CLNK: variants seen among roughly 807,000 people sequenced by gnomAD.
The protein encoded by CLNK is cytokine-dependent hematopoietic cell linker.
A neutral mutation model predicts 68.6 loss-of-function variants in CLNK; 74 were observed. That is an observed-to-expected ratio of 1.08 (90% CI 0.89 to 1.31). The LOEUF is 1.31. CLNK is among the 50% of genes most tolerant of loss of function. The probability of loss-of-function intolerance (pLI) is 0.00; values close to 1 mark genes in which losing one functional copy is unlikely to be tolerated. For missense variants in CLNK, 553 were observed against 515.3 expected (o/e 1.07, Z -0.71); for synonymous variants, 198 against 172.2 (o/e 1.15, Z -1.17).
chr4:10,619,382 C>T (rs1482131337), intron 2 of CLNK, among the ~76,000 whole-genome samples: 1 of 152,150 alleles, frequency 6.6e-6, no homozygotes, highest in African/African-American at 2.4e-5. Context: ...CATGAATATA[C>T]ATCAATGGGA....
chr4:10,722,779 G>A, the CLNK span, among the ~76,000 whole-genome samples: 1 of 152,218 alleles, frequency 6.6e-6, no homozygotes, highest in Non-Finnish European at 1.5e-5. Context: ...GCAGGGCGTG[G>A]TGGCTCACGC....
chr4:10,621,642 A>G (rs1577174753), intron 2 of CLNK, among the ~76,000 whole-genome samples: 3 of 152,296 alleles, frequency 2.0e-5, no homozygotes, highest in East Asian at 1.9e-4. Flanking sequence ...TATTGTTGTT[A>G]TTTATTATTC....
intron 8 of CLNK, among the ~76,000 whole-genome samples, chr4:10,553,062 T>C (rs746109993): frequency 4.2e-4 from 63 of 151,372 alleles, no homozygotes; most frequent in Non-Finnish European, 7.8e-4. Flanking sequence ...GGGGGGGGCA[T>C]GCAGGGGCGG....
intron 18 of CLNK, among the ~76,000 whole-genome samples, chr4:10,499,473 A>G (rs549944119): frequency 2.0e-5 from 3 of 152,180 alleles, no homozygotes; most frequent in Non-Finnish European, 2.9e-5. Context: ...CCGAGTCTCA[A>G]AAAAGTGCTC....
At chr4:10,717,172 C>A in the CLNK span, among the ~76,000 whole-genome samples, 6 of 152,160 alleles carry the variant, frequency 3.9e-5, no homozygotes, top group African/African-American at 1.4e-4. Flanking sequence ...TTCCTCCTTG[C>A]CAGGCAATAA....
chr4:10,560,375 G>T (rs1719839792), intron 7 of CLNK, among the ~76,000 whole-genome samples: 1 of 152,190 alleles, frequency 6.6e-6, no homozygotes, highest in African/African-American at 2.4e-5. Flanking sequence ...GTCTAGACAA[G>T]AACTGGCCTT....
chr4:10,498,633 A>G (rs1326840787), intron 18 of CLNK, among the ~76,000 whole-genome samples: 1 of 152,232 alleles, frequency 6.6e-6, no homozygotes, highest in Non-Finnish European at 1.5e-5. Flanking sequence ...GGGCTACTAT[A>G]TCCTACTTAT....
At chr4:10,667,804 C>A in intron 2 of CLNK, 55 bp downstream of exon 2, 1 of 1,525,710 alleles carries the variant, frequency 6.6e-7, no homozygotes, top group Non-Finnish European at 8.9e-7. Flanking sequence ...GAAAACACCT[C>A]CTGTCCCCAC....
At chr4:10,667,764 C>T in intron 2 of CLNK, 95 bp downstream of exon 2, 1 of 1,232,386 alleles carries the variant, frequency 8.1e-7, no homozygotes, top group Non-Finnish European at 1.1e-6. Context: ...TGGGCGGCCA[C>T]ATTGGCATCA....
chr4:10,641,021 A>G (rs963351670), intron 2 of CLNK, among the ~76,000 whole-genome samples: 1 of 152,200 alleles, frequency 6.6e-6, no homozygotes, highest in African/African-American at 2.4e-5. Context: ...GCTATTTTTC[A>G]TGTAAAAAAA....
chr4:10,651,251 A>G (rs2108882302), intron 2 of CLNK, among the ~76,000 whole-genome samples: 1 of 152,362 alleles, frequency 6.6e-6, no homozygotes, highest in Non-Finnish European at 1.5e-5. Context: ...ATGCACACAT[A>G]TGTTTATTGC....
the CLNK span, chr4:10,691,963 T>C: frequency 2.6e-5 from 4 of 152,144 alleles, no homozygotes; most frequent in Non-Finnish European, 5.9e-5. Context: ...TGAAATAAAA[T>C]TAGATCTTTG....
At chr4:10,619,555 T>C (rs1307659747) in intron 2 of CLNK, among the ~76,000 whole-genome samples, 1 of 152,130 alleles carries the variant, frequency 6.6e-6, no homozygotes, top group Non-Finnish European at 1.5e-5. Context: ...GCTTCATTTC[T>C]GCAGGAAACA....
At chr4:10,585,078 T>C (rs774117808) in intron 3 of CLNK, 123 bp from the exon 4 acceptor site, 6 of 852,698 alleles carry the variant, frequency 7.0e-6, no homozygotes, top group Non-Finnish European at 9.7e-6. Flanking sequence ...CTGCTTTATG[T>C]ATGTACTATT....
At chr4:10,609,021 G>T (rs887894004) in intron 2 of CLNK, among the ~76,000 whole-genome samples, 1 of 152,162 alleles carries the variant, frequency 6.6e-6, no homozygotes, top group African/African-American at 2.4e-5. Flanking sequence ...TACCATCATT[G>T]GTAGTTGGAA....
At chr4:10,680,095 T>C (rs1266014178) in intron 1 of CLNK, among the ~76,000 whole-genome samples, 4 of 151,872 alleles carry the variant, frequency 2.6e-5, no homozygotes, top group Non-Finnish European at 1.5e-5. Context: ...CTATTCACAA[T>C]AACAAAGACT....
At chr4:10,613,260 C>A (rs1176322554) in intron 2 of CLNK, among the ~76,000 whole-genome samples, 1 of 151,724 alleles carries the variant, frequency 6.6e-6, no homozygotes, top group Non-Finnish European at 1.5e-5. Flanking sequence ...GTGGGGTGGG[C>A]AGGTGGGTAT....
the CLNK span, among the ~76,000 whole-genome samples, chr4:10,722,870 C>T: frequency 6.6e-6 from 1 of 152,062 alleles, no homozygotes; most frequent in Non-Finnish European, 1.5e-5. Flanking sequence ...GCCAGCATGG[C>T]AAAACACCGT....
chr4:10,678,352 A>G (rs1425115091), intron 1 of CLNK, among the ~76,000 whole-genome samples: 1 of 152,200 alleles, frequency 6.6e-6, no homozygotes, highest in Non-Finnish European at 1.5e-5. Context: ...GCTATGCAAG[A>G]ATAGTTCCAC....
Sources: gnomAD v4.1 joint callset for allele counts (sites outside exome capture counted in the v4.1 genomes callset) on GRCh38, gnomAD v4.1.1 for gene constraint, MANE v1.5 for transcripts, NCBI Gene and HGNC (gene_info 2026-07-23, HGNC 2026-07-21) for gene names.